The following ADGRF5 variants were observed in gnomAD, a reference collection of about 807,000 sequenced individuals.
The protein encoded by ADGRF5 is adhesion G protein-coupled receptor F5.
In ADGRF5, 75 loss-of-function variants were observed where a neutral mutation model predicts 132.3. That is an observed-to-expected ratio of 0.57 (90% confidence interval 0.47 to 0.69). The LOEUF (loss-of-function observed/expected upper bound fraction) is 0.69. Ranked by LOEUF, ADGRF5 falls within the 30% of genes least tolerant of loss-of-function variation. The pLI, the probability that ADGRF5 is intolerant of heterozygous loss-of-function variation, is 0.00. For synonymous variants in ADGRF5, 629 were observed against 597.6 expected, an observed-to-expected ratio of 1.05 and a Z score of -0.77; for missense variants, 1,516 against 1,630.6, an observed-to-expected ratio of 0.93 and a Z score of 1.21.
intron 10 of ADGRF5, among the ~76,000 whole-genome samples, chr6:46,877,358 TTTCTTTCTTTCTTTCTTTCTTTCTTTC>T (rs1771915400): frequency 3.8e-5 from 2 of 52,190 alleles, no homozygotes; most frequent in South Asian, 5.3e-4. Context: ...TCTTTCTTTC[TTTCTTTCTTTCTTTCTTTCTTTCTTTC>T]TTCTTTCTTT....
At chr6:46,878,171 A>C in intron 10 of ADGRF5, 31 bp downstream of exon 10, 2 of 1,451,302 alleles carry the variant, frequency 1.4e-6, no homozygotes, top group Non-Finnish European at 1.9e-6. Flanking sequence ...GCAAAAACCT[A>C]TTTGCAAAAG....
At chr6:46,872,849 A>T (rs768547490) in intron 10 of ADGRF5, among the ~76,000 whole-genome samples, 3 of 152,218 alleles carry the variant, frequency 2.0e-5, no homozygotes, top group Non-Finnish European at 4.4e-5. Flanking sequence ...TGAAGGAAAA[A>T]GAATAAGCCT....
chr6:46,881,745 T>C (rs1772493149), intron 7 of ADGRF5, 148 bp from the exon 8 acceptor site: 3 of 663,806 alleles, frequency 4.5e-6, no homozygotes, highest in Admixed American at 2.9e-5. Flanking sequence ...CAGGATCTTC[T>C]GGAAGAAAGA....
intron 3 of ADGRF5, among the ~76,000 whole-genome samples, chr6:46,895,863 G>A (rs557083287): frequency 6.6e-6 from 1 of 151,832 alleles, no homozygotes; most frequent in South Asian, 2.1e-4. Context: ...GAGTTTGTCT[G>A]CAAACCTCCA....
At chr6:46,941,827 G>A (rs1778102855) in intron 1 of ADGRF5, among the ~76,000 whole-genome samples, 1 of 152,130 alleles carries the variant, frequency 6.6e-6, no homozygotes, top group Non-Finnish European at 1.5e-5. Flanking sequence ...CTTCAGCCGA[G>A]ATGCTTCATT....
chr6:46,951,317 A>G (rs1472679525), intron 1 of ADGRF5, among the ~76,000 whole-genome samples: 2 of 150,174 alleles, frequency 1.3e-5, no homozygotes, highest in African/African-American at 2.4e-5. Context: ...ATGGAGGGAG[A>G]AGAGAAGAAG....
chr6:46,857,726 C>T (rs1769218901), intron 17 of ADGRF5, among the ~76,000 whole-genome samples: 1 of 152,148 alleles, frequency 6.6e-6, no homozygotes, highest in African/African-American at 2.4e-5. Flanking sequence ...TGAGAACCTA[C>T]TCTGTACCAA....
chr6:46,854,742 A>G (rs1157905064), intron 20 of ADGRF5: 1 of 1,287,118 alleles, frequency 7.8e-7, no homozygotes, highest in Admixed American at 2.3e-5. Flanking sequence ...GCCACCGCTA[A>G]CAAGGTTTCC....
chr6:46,942,750 T>A (rs1778142059), intron 1 of ADGRF5, among the ~76,000 whole-genome samples: 1 of 152,224 alleles, frequency 6.6e-6, no homozygotes, highest in African/African-American at 2.4e-5. Flanking sequence ...ATGCCTATTT[T>A]ATCTCTAGAC....
At chr6:46,954,868 G>A (rs1778659830) in exon 1 of ADGRF5, 1 of 152,150 alleles carries the variant, frequency 6.6e-6, no homozygotes, top group South Asian at 2.1e-4. Context: ...GGTTTCACAA[G>A]ACCAGACTTC....
intron 1 of ADGRF5, among the ~76,000 whole-genome samples, chr6:46,953,459 T>C (rs1229126851): frequency 6.6e-6 from 1 of 151,518 alleles, no homozygotes; most frequent in African/African-American, 2.4e-5. Context: ...CCTTCTCTAC[T>C]AAAAATACAA....
intron 1 of ADGRF5, among the ~76,000 whole-genome samples, chr6:46,909,588 CCCTGAAG>C (rs1388573953): frequency 6.6e-6 from 1 of 152,198 alleles, no homozygotes; most frequent in Non-Finnish European, 1.5e-5. Context: ...GATCTGGGTT[CCCTGAAG>C]CCACCATTAA....
intron 1 of ADGRF5, among the ~76,000 whole-genome samples, chr6:46,932,210 A>G (rs1777584927): frequency 6.6e-6 from 1 of 152,150 alleles, no homozygotes; most frequent in African/African-American, 2.4e-5. Context: ...ACACTCAAGA[A>G]TTGATCATTT....
chr6:46,900,986 T>A (rs1182145428), intron 2 of ADGRF5, among the ~76,000 whole-genome samples: 2 of 152,178 alleles, frequency 1.3e-5, no homozygotes, highest in Admixed American at 1.3e-4. Context: ...GAATATAGCT[T>A]ATCTCAGAAC....
intron 1 of ADGRF5, among the ~76,000 whole-genome samples, chr6:46,911,523 T>C (rs1201724918): frequency 6.6e-6 from 1 of 152,198 alleles, no homozygotes; most frequent in Non-Finnish European, 1.5e-5. Context: ...ACACAATCAC[T>C]GCATATTCAG....
intron 2 of ADGRF5, chr6:46,905,578 G>A (rs2150894285): frequency 6.6e-6 from 1 of 151,936 alleles, no homozygotes; most frequent in East Asian, 1.9e-4. Flanking sequence ...AAACAAAGTG[G>A]TATATAAAGG....
chr6:46,951,542 C>T (rs928172940), intron 1 of ADGRF5, among the ~76,000 whole-genome samples: 13 of 152,130 alleles, frequency 8.5e-5, no homozygotes, highest in African/African-American at 3.1e-4. Flanking sequence ...AGGAGAATAC[C>T]ACATGTAGTC....
intron 1 of ADGRF5, among the ~76,000 whole-genome samples, chr6:46,935,906 C>A (rs1408106494): frequency 6.6e-6 from 1 of 152,130 alleles, no homozygotes; most frequent in Non-Finnish European, 1.5e-5. Flanking sequence ...TGTAGGGGGA[C>A]GGGGTGAAGG....
Position 46,858,629 on chromosome 6 carries a change from A to G in ADGRF5, c.3274T>C (p.Phe1092Leu). ...CKTACVAATF[F>L]IHFFYLSVFF... is the part of the protein sequence containing the mutation. ...ACGCTGAGGTAGAAGAAGTGGATGA[A>G]GAAGGTGGCAGCCACACAGGCTGTC... Residue 1092 changes from phenylalanine to leucine, a missense_variant, in exon 17 of 21, where the codon TTC (phenylalanine) becomes CTC (leucine). By Grantham distance (22) the Phe-to-Leu change is conservative (BLOSUM62 0). This residue lies in a region of ADGRF5 where 571 missense variants were observed against 701.2 expected (regional missense o/e 0.81). Transcript: ENST00000283296. 1 of 1,614,170 alleles carries G rather than the reference A, an allele frequency of 6.2e-7. No individual in the cohort carries two copies. The highest frequency in any genetic ancestry group is 8.5e-7 in the Non-Finnish European group (1 of 1,180,010).
Sources: gnomAD v4.1 joint callset for allele counts (sites outside exome capture counted in the v4.1 genomes callset) on GRCh38, gnomAD v4.1.1 for gene constraint, gnomAD v4.1.1 regional missense constraint, MANE v1.5 for transcripts, NCBI Gene and HGNC (gene_info 2026-07-23, HGNC 2026-07-21) for gene names.